Variants in GPR160 observed in about 807,000 individuals in gnomAD.
The protein encoded by GPR160 is G protein-coupled receptor 160, also known as probable G protein-coupled receptor 160.
GPR160 carries 2 observed loss-of-function variants against 2.6 expected under a neutral mutation model. That is an observed-to-expected ratio of 0.77 (90% confidence interval 0.32 to 2.44). The LOEUF (loss-of-function observed/expected upper bound fraction) is 2.44. GPR160 is among the 30% of genes most tolerant of loss of function. GPR160 has a pLI of 0.11. For missense variants in GPR160, 351 were observed against 383.6 expected (o/e 0.91, Z 0.71); for synonymous variants, 130 against 132.2 (o/e 0.98, Z 0.12).
chr3:170,042,144 G>A (rs770520116), intron 2 of GPR160, among the ~76,000 whole-genome samples: 1 of 152,174 alleles, frequency 6.6e-6, no homozygotes, highest in Non-Finnish European at 1.5e-5. Context: ...CATCCTGTGA[G>A]GCGAAGCAGT....
chr3:170,079,513 C>A (rs1713026423), intron 2 of GPR160, among the ~76,000 whole-genome samples: 1 of 152,202 alleles, frequency 6.6e-6, no homozygotes. Flanking sequence ...TATCCTGTGG[C>A]TGAAAACTAT....
rs748449253 is a variant in GPR160 at position 170,043,517 on chromosome 3, T to G, written c.-193+4474T>G. Among the ~76,000 whole-genome samples the G allele has an allele frequency of 1.9e-4, 29 of 152,178 alleles. 1 individual carries two copies. Among genetic ancestry groups the G allele is most frequent in the Non-Finnish European group, 3.5e-4 (24 of 67,986 alleles). ...TTTAATTCTGACAAATGTCTCTAGG[T>G]TGGGTATTATCAGTCCATTTTGCAA... is the stretch of plus-strand genomic sequence containing the variant. On this transcript the variant is annotated intron_variant, in intron 2 of 3. Coordinates refer to ENST00000355897, the MANE Select transcript of GPR160 (RefSeq NM_014373.3).
In GPR160 at chr3:170,084,613, C is replaced by T. The variant is rs1463476651; in HGVS notation, c.641C>T (p.Thr214Ile). The change falls in exon 4 of 4, where the codon ACT becomes ATT. Residue 214 changes from threonine to isoleucine, a missense_variant. Physicochemically the swap from Thr to Ile is moderately conservative, Grantham distance 89. Transcript: ENST00000355897. ...ACTTTGGTACAGGCTATCAGGATAACTTCCTATATGAATGAAACTATCTTA... is the reference window on the plus strand; with the variant it reads ...ACTTTGGTACAGGCTATCAGGATAATTTCCTATATGAATGAAACTATCTTA... ...VTTLVQAIRI[T>I]SYMNETILYF... 16 of 1,612,202 alleles carry T rather than the reference C, an allele frequency of 9.9e-6. No homozygotes were observed. Among genetic ancestry groups the T allele is most frequent in the Non-Finnish European group, 1.4e-5 (16 of 1,178,322 alleles).
At chr3:170,041,924 G>A (rs1418305698) in intron 2 of GPR160, among the ~76,000 whole-genome samples, 2 of 152,138 alleles carry the variant, frequency 1.3e-5, no homozygotes, top group African/African-American at 2.4e-5. Context: ...TTTGGACTCT[G>A]GAGAGTTGAT....
At chr3:170,080,749 T>C (rs1713084341) in intron 3 of GPR160, among the ~76,000 whole-genome samples, 1 of 152,212 alleles carries the variant, frequency 6.6e-6, no homozygotes, top group African/African-American at 2.4e-5. Flanking sequence ...GCACCCAGGC[T>C]GGAATGCAGT....
rs1712370338 is a variant in GPR160 at position 170,066,830 on chromosome 3, A to G, written c.-192-12944A>G. On this transcript the variant is annotated intron_variant, in intron 2 of 3. Coordinates refer to ENST00000355897, the MANE Select transcript of GPR160 (RefSeq NM_014373.3). ...GTTTGTAATTTTGATAAATATTACC[A>G]GGTTGCCATTTGTAGGAGTTGCTCC... is the stretch of plus-strand genomic sequence containing the variant. 2.0e-5 allele frequency among the ~76,000 whole-genome samples: 3 copies of G among 152,178 alleles called. No individual in the cohort carries two copies. In the South Asian group the frequency reaches 6.2e-4, roughly 32 times the overall value.
intron 2 of GPR160, among the ~76,000 whole-genome samples, chr3:170,061,289 G>A (rs1393145270): frequency 8.8e-5 from 13 of 147,364 alleles, no homozygotes; most frequent in Admixed American, 4.7e-4. Flanking sequence ...AAAAAAAAAA[G>A]AAAGATAAAA....
chr3:170,044,925 A>G (rs1039730267), intron 2 of GPR160, among the ~76,000 whole-genome samples: 1 of 152,130 alleles, frequency 6.6e-6, no homozygotes, highest in Non-Finnish European at 1.5e-5. Context: ...GGTTTCTGTG[A>G]TGCAAGTCCA....
At chr3:170,082,790 T>A (rs914312944) in intron 3 of GPR160, among the ~76,000 whole-genome samples, 2 of 150,418 alleles carry the variant, frequency 1.3e-5, no homozygotes, top group African/African-American at 4.9e-5. Flanking sequence ...TAGAGGCAGC[T>A]CCCTATGTTG....
chr3:170,069,284 C>A (rs1712481492), intron 2 of GPR160, among the ~76,000 whole-genome samples: 1 of 152,204 alleles, frequency 6.6e-6, no homozygotes, highest in African/African-American at 2.4e-5. Context: ...TCTTTGCATC[C>A]CTTTCTGAAG....
At chr3:170,050,221 G>A (rs774959938) in intron 2 of GPR160, among the ~76,000 whole-genome samples, 2 of 139,338 alleles carry the variant, frequency 1.4e-5, no homozygotes, top group East Asian at 2.1e-4. Context: ...CACCATGCCC[G>A]CCTAATTTAC....
intron 3 of GPR160, among the ~76,000 whole-genome samples, chr3:170,082,007 T>C (rs892106874): frequency 6.6e-6 from 1 of 152,234 alleles, no homozygotes; most frequent in Admixed American, 6.5e-5. Context: ...GTTTTTACTA[T>C]TGTCACACTG....
At chr3:170,040,240 T>G (rs1463252912) in intron 2 of GPR160, among the ~76,000 whole-genome samples, 1 of 152,198 alleles carries the variant, frequency 6.6e-6, no homozygotes, top group Non-Finnish European at 1.5e-5. Context: ...GTCCTTATGC[T>G]ATTGTTTCAG....
At chr3:170,074,397 T>C (rs1025605040) in intron 2 of GPR160, among the ~76,000 whole-genome samples, 15 of 152,310 alleles carry the variant, frequency 9.8e-5, no homozygotes, top group Non-Finnish European at 2.1e-4. Flanking sequence ...TGGTTCTTTT[T>C]TTCCCCTAAA....
intron 3 of GPR160, among the ~76,000 whole-genome samples, chr3:170,082,315 C>G (rs769868268): frequency 5.3e-5 from 8 of 152,064 alleles, no homozygotes; most frequent in Non-Finnish European, 1.0e-4. Flanking sequence ...TAAAATTTAA[C>G]AAATGAAGGT....
chr3:170,083,304 TC>T, intron 3 of GPR160: 1 of 152,338 alleles, frequency 6.6e-6, no homozygotes, highest in East Asian at 1.9e-4. Context: ...ACCTGAAAGA[TC>T]ATATCCAGAA....
chr3:170,066,963 A>G (rs1274569403), intron 2 of GPR160, among the ~76,000 whole-genome samples: 2 of 152,174 alleles, frequency 1.3e-5, no homozygotes, highest in African/African-American at 2.4e-5. Flanking sequence ...CCTATCCTTT[A>G]TGAGGTAAAC....
At chr3:170,045,944 C>A (rs890778090) in intron 2 of GPR160, among the ~76,000 whole-genome samples, 3 of 152,164 alleles carry the variant, frequency 2.0e-5, no homozygotes, top group Admixed American at 6.5e-5. Context: ...AATAATAATA[C>A]CTACATCATA....
intron 2 of GPR160, among the ~76,000 whole-genome samples, chr3:170,064,535 T>TTTTTTTTTC: frequency 7.8e-6 from 1 of 127,952 alleles, no homozygotes; most frequent in Non-Finnish European, 1.6e-5. Flanking sequence ...TTTTTTTTTT[T>TTTTTTTTTC]TGAGGCAGAG....
Sources: gnomAD v4.1 joint callset for allele counts (sites outside exome capture counted in the v4.1 genomes callset) on GRCh38, gnomAD v4.1.1 for gene constraint, MANE v1.5 for transcripts, NCBI Gene and HGNC (gene_info 2026-07-23, HGNC 2026-07-21) for gene names.